NPAT: variants seen among roughly 807,000 people sequenced by gnomAD.
NPAT encodes protein NPAT.
Under a neutral mutation model 130.7 loss-of-function variants are expected in NPAT, and 52 were observed. The observed-to-expected ratio is 0.40, with a 90% confidence interval of 0.32 to 0.50. The LOEUF is 0.50. Ranked by LOEUF, NPAT falls within the 20% of genes least tolerant of loss-of-function variation. The pLI, the probability that NPAT is intolerant of heterozygous loss-of-function variation, is 0.68. For synonymous variants in NPAT, 580 were observed against 584.8 expected (o/e 0.99, Z 0.12); for missense variants, 1,687 against 1,662.6 (o/e 1.01, Z -0.26).
Position 108,169,970 on chromosome 11 carries a change from C to T in NPAT, c.2859G>A (p.Val953=). 1 of 1,613,946 alleles carries T rather than the reference C, an allele frequency of 6.2e-7. No homozygotes were observed. The highest frequency in any genetic ancestry group is 1.1e-5 in the South Asian group (1 of 91,080). The change falls in exon 14 of 18, where the codon GTG becomes GTA. Residue 953 remains valine (V), a synonymous_variant. Coordinates refer to ENST00000278612, the MANE Select transcript of NPAT (RefSeq NM_002519.3). The part of the protein sequence containing the change: ...QGMVGMIPVS[V]VGQNGNNFST... ...AAAAGTTATTTCCATTCTGTCCAAC[C>T]ACAGATACTGGGATCATCCCTACCA...
In NPAT at chr11:108,161,892, C is replaced by A; in HGVS notation, c.3194G>T (p.Cys1065Phe). 1 of 1,613,934 alleles carries A rather than the reference C, an allele frequency of 6.2e-7. No homozygotes were observed. The highest frequency in any genetic ancestry group is 8.5e-7 in the Non-Finnish European group (1 of 1,179,936). The change falls in exon 17 of 18, where the codon TGT becomes TTT. Residue 1065 changes from cysteine to phenylalanine, a missense_variant. Around this residue, in one of 3 missense-constraint regions of NPAT, gnomAD observed 1,379 missense variants for 1,346.6 expected, o/e 1.02. Transcript: ENST00000278612. Reference protein sequence around the residue: ...AAKPCHRRVLCFDSTTAPVAN... With the variant: ...AAKPCHRRVLFFDSTTAPVAN... ...CACAGGAGCAGTAGTGCTGTCGAAA[C>A]AGAGTACACGTCTGTGGCATGGTTT...
chr11:108,167,235 C>T (rs2077909853), intron 15 of NPAT, among the ~76,000 whole-genome samples: 1 of 152,184 alleles, frequency 6.6e-6, no homozygotes, highest in Non-Finnish European at 1.5e-5. Flanking sequence ...TTTTCTGAGA[C>T]AGGGTCTCAC....
chr11:108,173,818 G>A lies in NPAT; in HGVS notation c.1166C>T (p.Ser389Phe). Residue 389 changes from serine to phenylalanine, a missense_variant, in exon 13 of 18, where the codon TCC becomes TTC. This residue lies in a region of NPAT where 1,379 missense variants were observed against 1,346.6 expected (regional missense o/e 1.02). Coordinates refer to ENST00000278612, the MANE Select transcript of NPAT (RefSeq NM_002519.3). ...ATTTAATGGGTCATCATTCTGATAG[G>A]ATGTACAAAAAGCGGGCTGACCAGA... Reference protein sequence around the residue: ...GQSGQPAFCTSYQNDDPLNAL... With the variant: ...GQSGQPAFCTFYQNDDPLNAL... The A allele has an allele frequency of 6.2e-7, 1 of 1,614,140 alleles. No individual in the cohort carries two copies. Among genetic ancestry groups the A allele is most frequent in the Non-Finnish European group, 8.5e-7 (1 of 1,180,010 alleles).
Position 108,192,107 on chromosome 11 carries a change from T to C in NPAT, c.290+11A>G, listed in dbSNP as rs760578030. On this transcript the variant is annotated intron_variant, in intron 4 of 17. Transcript: ENST00000278612. ...TCCAAAATCATTAGGCACATTCTAA[T>C]AGCTTATTACCTGATCTGAGAAAGT... The C allele has an allele frequency of 1.9e-6, 3 of 1,556,706 alleles. No individual in the cohort carries two copies. The South Asian group carries it at 3.3e-5, about 17-fold the overall frequency.
chr11:108,211,947 T>C (rs2078387597), intron 1 of NPAT, among the ~76,000 whole-genome samples: 1 of 151,752 alleles, frequency 6.6e-6, no homozygotes, highest in Non-Finnish European at 1.5e-5. Context: ...AAGAACCTGT[T>C]TCAAAAGCAA....
At chr11:108,180,714 T>C (rs1428359193) in intron 10 of NPAT, among the ~76,000 whole-genome samples, 3 of 152,150 alleles carry the variant, frequency 2.0e-5, no homozygotes, top group Non-Finnish European at 4.4e-5. Flanking sequence ...GCCAATAGAA[T>C]TAAAAGTAGG....
chr11:108,172,501 T>G lies in NPAT; in HGVS notation c.2483A>C (p.Gln828Pro). 1 of 1,614,230 alleles carries G rather than the reference T, an allele frequency of 6.2e-7. No homozygotes were observed. Among genetic ancestry groups the G allele is most frequent in the Non-Finnish European group, 8.5e-7 (1 of 1,180,038 alleles). The part of the protein sequence containing the change: ...KSEDSAVNNT[Q>P]NEDGIAFSAN... ...TGAAAAAGCAATGCCATCTTCATTC[T>G]GAGTATTGTTTACTGCAGAGTCTTC... The change falls in exon 13 of 18, where the codon CAG becomes CCG. Residue 828 changes from glutamine to proline, a missense_variant. By Grantham distance (76) the Gln-to-Pro change is moderately conservative (BLOSUM62 -1). This residue lies in a region of NPAT where 1,379 missense variants were observed against 1,346.6 expected (regional missense o/e 1.02). Transcript: ENST00000278612.
chr11:108,185,202 C>T (rs367646070), intron 10 of NPAT, 30 bp downstream of exon 10: 179 of 1,425,582 alleles, frequency 1.3e-4, no homozygotes, highest in South Asian at 7.5e-4. Flanking sequence ...GTAACACACA[C>T]GCACCCATGC....
At chr11:108,172,011 T>C (rs979155850) in intron 13 of NPAT, 188 bp downstream of exon 13, 1 of 604,516 alleles carries the variant, frequency 1.7e-6, no homozygotes, top group East Asian at 2.8e-5. Flanking sequence ...CATAGCTTAC[T>C]AGCAGATTAA....
At chr11:108,164,988 G>A (rs1024682559) in intron 15 of NPAT, among the ~76,000 whole-genome samples, 15 of 152,080 alleles carry the variant, frequency 9.9e-5, no homozygotes, top group African/African-American at 3.6e-4. Flanking sequence ...CAGCCTGGGC[G>A]ACAAGAGTAA....
chr11:108,159,179 G>A (rs901746552), intron 17 of NPAT, among the ~76,000 whole-genome samples, 160 bp from the exon 18 acceptor site: 1 of 152,116 alleles, frequency 6.6e-6, no homozygotes, highest in East Asian at 1.9e-4. Flanking sequence ...GTAGAGACAA[G>A]TTTTATAAAC....
intron 1 of NPAT, 47 bp downstream of exon 1, chr11:108,222,453 C>A: frequency 6.2e-7 from 1 of 1,608,146 alleles, no homozygotes; most frequent in South Asian, 1.1e-5. Flanking sequence ...GTCCTTCTGT[C>A]CAGCATAGCC....
chr11:108,202,158 T>C (rs1242873027), intron 1 of NPAT, among the ~76,000 whole-genome samples: 2 of 152,190 alleles, frequency 1.3e-5, no homozygotes, highest in Non-Finnish European at 2.9e-5. Context: ...TCCCTGCCCA[T>C]GCCACTATCT....
At chr11:108,196,049 A>T (rs1243048247) in intron 2 of NPAT, among the ~76,000 whole-genome samples, 1 of 152,234 alleles carries the variant, frequency 6.6e-6, no homozygotes, top group East Asian at 1.9e-4. Flanking sequence ...CTCACTGTCA[A>T]ATCCAACTTT....
chr11:108,218,546 A>C (rs936175567), intron 1 of NPAT, among the ~76,000 whole-genome samples: 1 of 152,250 alleles, frequency 6.6e-6, no homozygotes, highest in African/African-American at 2.4e-5. Flanking sequence ...TAACAGGGAC[A>C]AGGTTTCTGT....
intron 10 of NPAT, among the ~76,000 whole-genome samples, chr11:108,184,979 A>G (rs932305359): frequency 3.9e-5 from 6 of 152,232 alleles, no homozygotes; most frequent in African/African-American, 1.2e-4. Flanking sequence ...TAAGTATTGA[A>G]TACTTAGGAA....
chr11:108,206,794 G>A (rs1020131002), intron 1 of NPAT, among the ~76,000 whole-genome samples: 2 of 152,250 alleles, frequency 1.3e-5, no homozygotes, highest in African/African-American at 4.8e-5. Context: ...ACGGTCAACT[G>A]GAAGGTGCTC....
chr11:108,198,533 C>A (rs1591409028), intron 1 of NPAT, among the ~76,000 whole-genome samples: 1 of 152,048 alleles, frequency 6.6e-6, no homozygotes, highest in Non-Finnish European at 1.5e-5. Flanking sequence ...CCCGGTGAAA[C>A]CCGACAACTT....
chr11:108,207,069 T>A lies in NPAT; in HGVS notation c.38-9649A>T, dbSNP rs550206503. ...TGACGAGTGTCCAACTCTCAGTGAA[T>A]AGAGCTGCAGTGGGTAGCTCCTTTC... On this transcript the variant is annotated intron_variant, in intron 1 of 17. Coordinates refer to ENST00000278612, the MANE Select transcript of NPAT (RefSeq NM_002519.3). 4.0e-5 allele frequency among the ~76,000 whole-genome samples: 6 copies of A among 149,582 alleles called. No individual in the cohort carries two copies. The East Asian group carries it at 1.2e-3, about 30-fold the overall frequency.
Sources: allele counts gnomAD v4.1 joint callset (sites outside exome capture counted in the v4.1 genomes callset), GRCh38; gene constraint gnomAD v4.1.1; regional missense constraint gnomAD v4.1.1; transcripts MANE v1.5; gene names NCBI Gene and HGNC (gene_info 2026-07-23, HGNC 2026-07-21).